TMEM271: variants seen among roughly 807,000 people sequenced by gnomAD.
TMEM271 encodes the protein transmembrane protein 271.
Position 575,818 on chromosome 4 carries a change from G to T in TMEM271, c.245C>A (p.Ser82Ter). ...CGPRDAPLAG[S>*]EPGPGLGVPA... ...GACCCCCAAACCCGGGCCCGGTTCCGACCCCGCGAGGGGCGCGTCCCGGGG... is the reference window on the plus strand; with the variant it reads ...GACCCCCAAACCCGGGCCCGGTTCCTACCCCGCGAGGGGCGCGTCCCGGGG... Residue 82 changes from serine (S) to a stop codon, truncating the protein, a stop_gained, in exon 1 of 1, where the codon TCG (serine) becomes TAG (stop). Coordinates refer to ENST00000610212, the MANE Select transcript of TMEM271 (RefSeq NM_001362796.2). LOFTEE classifies it high-confidence loss of function. 1 of 364,222 alleles carries T rather than the reference G, an allele frequency of 2.7e-6. No individual in the cohort carries two copies. The highest frequency in any genetic ancestry group is 1.3e-4 in the South Asian group (1 of 7,588). 22.6% of individuals were successfully genotyped at this position (364,222 alleles called of 1,614,324 possible). A position where few individuals can be genotyped will look rare whatever the true frequency, so the allele number is the denominator to read the frequency against.
In TMEM271 at chr4:574,881, G is replaced by A. The variant is rs1056286899; in HGVS notation, c.*24C>T. On this transcript the variant is annotated 3_prime_UTR_variant, in exon 1 of 1. Transcript: ENST00000610212. ...TGGGTGGAACGCAAGCGCGGTCCGC[G>A]GGATGGGGGTCCGGCCCGCGGGATC... The A allele has an allele frequency of 7.6e-6, 3 of 395,808 alleles. No homozygotes were observed. In the East Asian group the frequency reaches 1.1e-4, roughly 14 times the overall value. 24.5% of individuals were successfully genotyped at this position (395,808 alleles called of 1,614,324 possible).
rs1577196525 is a variant in TMEM271 at position 575,247 on chromosome 4, C to G, written c.816G>C (p.Ala272=). ...ARPRGGSGLR[A]QPPASRARRG... ...GGCGCGCCCGAGAGGCGGGCGGCTG[C>G]GCGCGGAGCCCGGAGCCGCCGCGGG... Residue 272 remains alanine, a synonymous_variant, in exon 1 of 1, where the codon GCG becomes GCC. Transcript: ENST00000610212. 3.1e-5 allele frequency: 5 copies of G among 163,804 alleles called. No homozygotes were observed. The South Asian group carries it at 8.9e-4, about 29-fold the overall frequency. The allele number at this position is 163,804 out of a possible 1,614,324, so 10.1% of individuals were successfully genotyped here.
rs1339584885 is a variant in TMEM271, at chr4:574,912, G to A, written c.1151C>T (p.Ala384Val). ...GGGGTCCGGCCCGCGGGATCAGCAG[G>A]CCCGATGGGTCTCCCAGGGCCGCGG... ...ETPRPWETHR[A>V]C The change falls in exon 1 of 1, where the codon GCC becomes GTC. Residue 384 changes from alanine (A) to valine (V), a missense_variant. Ala to Val is a moderately conservative substitution (Grantham distance 64, BLOSUM62 0). Transcript: ENST00000610212. The A allele has an allele frequency of 5.0e-6, 2 of 396,502 alleles. No homozygotes were observed. The allele number at this position is 396,502 out of a possible 1,614,324, so 24.6% of individuals were successfully genotyped here. A position where few individuals can be genotyped will look rare whatever the true frequency, so the allele number is the denominator to read the frequency against.
In TMEM271 at chr4:575,542, G is replaced by A. The variant is rs956734165; in HGVS notation, c.521C>T (p.Thr174Ile). The change falls in exon 1 of 1, where the codon ACC becomes ATC. Residue 174 changes from threonine to isoleucine, a missense_variant. Physicochemically the swap from Thr to Ile is moderately conservative, Grantham distance 89 (BLOSUM62 -1). Transcript: ENST00000610212. ...GSSPGSAPGSTPGSAPGSAPG... is the reference protein window; with the variant it reads ...GSSPGSAPGSIPGSAPGSAPG... The stretch of plus-strand genomic sequence containing the variant: ...GGCCGAGCCCGGGGCCGAGCCGGGG[G>A]TTGAGCCCGGGGCCGAGCCGGGGCT... 4.3e-4 allele frequency: 141 copies of A among 325,350 alleles called. No homozygotes were observed. In the East Asian group the frequency reaches 6.0e-3, roughly 14 times the overall value. The allele number at this position is 325,350 out of a possible 1,614,324, so 20.2% of individuals were successfully genotyped here.
Position 575,178 on chromosome 4 carries a change from C to A in TMEM271, c.885G>T (p.Pro295=). ...GRRGRRLQQR[P]SEASILSPEE... ...CCGGGGACAGGATGGAGGCCTCGCT[C>A]GGCCGCTGCTGCAGCCGCCGCCCCC... Residue 295 remains proline, a synonymous_variant, in exon 1 of 1, where the codon CCG becomes CCT. Coordinates refer to ENST00000610212, the MANE Select transcript of TMEM271 (RefSeq NM_001362796.2). The A allele has an allele frequency of 2.6e-6, 1 of 387,454 alleles. No individual in the cohort carries two copies. Among genetic ancestry groups the A allele is most frequent in the Non-Finnish European group, 4.5e-6 (1 of 219,780 alleles). 24.0% of individuals were successfully genotyped at this position (387,454 alleles called of 1,614,324 possible). A position where few individuals can be genotyped will look rare whatever the true frequency, so the allele number is the denominator to read the frequency against.
At position 576,157 on chromosome 4, in the gene TMEM271, C is replaced by T. The variant is rs1402670485; in HGVS notation, c.-95G>A. 2 of 144,776 alleles carry T rather than the reference C, an allele frequency of 1.4e-5. No individual in the cohort carries two copies. Among genetic ancestry groups the T allele is most frequent in the African/African-American group, 2.5e-5 (1 of 40,152 alleles). The allele number at this position is 144,776 out of a possible 1,614,324, so 9.0% of individuals were successfully genotyped here. The stretch of plus-strand genomic sequence containing the variant: ...CTCCTCCCGGCGCCGCGCGGCCGGA[C>T]CGCCGGCCTCCTCCTCATCCTCCCG... On this transcript the variant is annotated 5_prime_UTR_variant, in exon 1 of 1. Transcript: ENST00000610212.
rs910090897 is a variant in TMEM271, at chr4:574,673, G to A, written c.*232C>T. The A allele has an allele frequency of 5.4e-5, 21 of 385,514 alleles. No homozygotes were observed. Among genetic ancestry groups the A allele is most frequent in the Non-Finnish European group, 8.7e-5 (19 of 218,244 alleles). The allele number at this position is 385,514 out of a possible 1,614,324, so 23.9% of individuals were successfully genotyped here. The stretch of plus-strand genomic sequence containing the variant: ...GATATGAACGACACAAATAAGAAGA[G>A]AAACCTCCCAGATACAGAAATGGTC... On this transcript the variant is annotated 3_prime_UTR_variant, in exon 1 of 1. Coordinates refer to ENST00000610212, the MANE Select transcript of TMEM271 (RefSeq NM_001362796.2).
chr4:574,889 G>T lies in TMEM271; in HGVS notation c.*16C>A. 2.5e-6 allele frequency: 1 copy of T among 396,156 alleles called. No individual in the cohort carries two copies. The highest frequency in any genetic ancestry group is 4.5e-6 in the Non-Finnish European group (1 of 224,392). The allele number at this position is 396,156 out of a possible 1,614,324, so 24.5% of individuals were successfully genotyped here. A position where few individuals can be genotyped will look rare whatever the true frequency, so the allele number is the denominator to read the frequency against. ...ACGCAAGCGCGGTCCGCGGGATGGG[G>T]GTCCGGCCCGCGGGATCAGCAGGCC... On this transcript the variant is annotated 3_prime_UTR_variant, in exon 1 of 1. Coordinates refer to ENST00000610212, the MANE Select transcript of TMEM271 (RefSeq NM_001362796.2).
Position 575,392 on chromosome 4 carries a change from A to T in TMEM271, c.671T>A (p.Phe224Tyr). The T allele has an allele frequency of 3.5e-6, 1 of 281,786 alleles. No individual in the cohort carries two copies. The highest frequency in any genetic ancestry group is 2.3e-5 in the African/African-American group (1 of 44,232). 17.5% of individuals were successfully genotyped at this position (281,786 alleles called of 1,614,324 possible). A position where few individuals can be genotyped will look rare whatever the true frequency, so the allele number is the denominator to read the frequency against. Residue 224 changes from phenylalanine to tyrosine, a missense_variant, in exon 1 of 1, where the codon TTC (phenylalanine) becomes TAC (tyrosine). Coordinates refer to ENST00000610212, the MANE Select transcript of TMEM271 (RefSeq NM_001362796.2). ...GCCCAGCAGGCACTCAAGCGAGTTGAAGACGGTGGAGAGCACCAGGCCGCG... is the reference window on the plus strand; with the variant it reads ...GCCCAGCAGGCACTCAAGCGAGTTGTAGACGGTGGAGAGCACCAGGCCGCG... ...YQRGLVLSTV[F>Y]NSLECLLGLL...
rs1247968356 is a variant in TMEM271, at chr4:575,538, G to GGGGGTTGAGCCC, written c.513_524dup (p.Thr174_Ser177dup). 3.1e-6 allele frequency: 1 copy of GGGGGTTGAGCCC among 325,130 alleles called. No homozygotes were observed. The highest frequency in any genetic ancestry group is 5.6e-6 in the Non-Finnish European group (1 of 178,720). 20.1% of individuals were successfully genotyped at this position (325,130 alleles called of 1,614,324 possible). A position where few individuals can be genotyped will look rare whatever the true frequency, so the allele number is the denominator to read the frequency against. On this transcript the variant is annotated inframe_insertion, in exon 1 of 1. Coordinates refer to ENST00000610212, the MANE Select transcript of TMEM271 (RefSeq NM_001362796.2). ...CGGGGGCCGAGCCCGGGGCCGAGCCGGGGGTTGAGCCCGGGGCCGAGCCGG... is the reference window on the plus strand; with the variant it reads ...CGGGGGCCGAGCCCGGGGCCGAGCCGGGGGTTGAGCCCGGGGTTGAGCCCGGGGCCGAGCCGG...
rs536935500 is a variant in TMEM271 at position 574,732 on chromosome 4, C to T, written c.*173G>A. ...GGCCCCCTCCTGTGGTCACGGAGCC[C>T]GCAGAGGGGGCCAGGCCGGAGGCTG... On this transcript the variant is annotated 3_prime_UTR_variant, in exon 1 of 1. Transcript: ENST00000610212. 2.6e-6 allele frequency: 1 copy of T among 391,528 alleles called. No homozygotes were observed. Among genetic ancestry groups the T allele is most frequent in the East Asian group, 3.6e-5 (1 of 27,570 alleles). The allele number at this position is 391,528 out of a possible 1,614,324, so 24.3% of individuals were successfully genotyped here. A position where few individuals can be genotyped will look rare whatever the true frequency, so the allele number is the denominator to read the frequency against.
chr4:575,751 C>G lies in TMEM271; in HGVS notation c.312G>C (p.Glu104Asp). Residue 104 changes from glutamate (E) to aspartate (D), a missense_variant, in exon 1 of 1, where the codon GAG becomes GAC. By Grantham distance (45) the Glu-to-Asp change is conservative (BLOSUM62 2). Coordinates refer to ENST00000610212, the MANE Select transcript of TMEM271 (RefSeq NM_001362796.2). The part of the protein sequence containing the change: ...PAGAPEATPG[E>D]SGAAAGAPGP... The stretch of plus-strand genomic sequence containing the variant: ...CCGGGGCCCCGGCCGCGGCCCCCGA[C>G]TCGCCCGGCGTGGCCTCGGGAGCGC... 2.8e-6 allele frequency: 1 copy of G among 358,676 alleles called. No individual in the cohort carries two copies. The highest frequency in any genetic ancestry group is 5.0e-6 in the Non-Finnish European group (1 of 200,374). 22.2% of individuals were successfully genotyped at this position (358,676 alleles called of 1,614,324 possible).
In TMEM271 at chr4:575,754, G is replaced by A; in HGVS notation, c.309C>T (p.Gly103=). 5.6e-6 allele frequency: 2 copies of A among 358,174 alleles called. No homozygotes were observed. The highest frequency in any genetic ancestry group is 4.1e-5 in the East Asian group (1 of 24,596). 22.2% of individuals were successfully genotyped at this position (358,174 alleles called of 1,614,324 possible). Residue 103 remains glycine (G), a synonymous_variant, in exon 1 of 1, where the codon GGC becomes GGT. Coordinates refer to ENST00000610212, the MANE Select transcript of TMEM271 (RefSeq NM_001362796.2). ...GGGCCCCGGCCGCGGCCCCCGACTC[G>A]CCCGGCGTGGCCTCGGGAGCGCCTG... is the stretch of plus-strand genomic sequence containing the variant. The part of the protein sequence containing the change: ...APAGAPEATP[G]ESGAAAGAPG...
Position 574,478 on chromosome 4 carries a change from C to A in TMEM271, c.*427G>T, listed in dbSNP as rs1328404298. 1 of 162,850 alleles carries A rather than the reference C, an allele frequency of 6.1e-6. No individual in the cohort carries two copies. The allele number at this position is 162,850 out of a possible 1,614,324, so 10.1% of individuals were successfully genotyped here. A position where few individuals can be genotyped will look rare whatever the true frequency, so the allele number is the denominator to read the frequency against. On this transcript the variant is annotated 3_prime_UTR_variant, in exon 1 of 1. Transcript: ENST00000610212. ...TCTTTCTGAATTACCAGCTGCTCTGCGTCTCTGTCTGCTCTTCCTCCGTGG... is the reference window on the plus strand; with the variant it reads ...TCTTTCTGAATTACCAGCTGCTCTGAGTCTCTGTCTGCTCTTCCTCCGTGG...
At position 575,664 on chromosome 4, in the gene TMEM271, G is replaced by A. The variant is rs976364255; in HGVS notation, c.399C>T (p.Leu133=). The A allele has an allele frequency of 7.5e-5, 27 of 360,600 alleles. No homozygotes were observed. Among genetic ancestry groups the A allele is most frequent in the Middle Eastern group, 7.3e-4 (1 of 1,376 alleles). The allele number at this position is 360,600 out of a possible 1,614,324, so 22.3% of individuals were successfully genotyped here. A position where few individuals can be genotyped will look rare whatever the true frequency, so the allele number is the denominator to read the frequency against. Residue 133 remains leucine (L), a synonymous_variant, in exon 1 of 1, where the codon CTC becomes CTT. Coordinates refer to ENST00000610212, the MANE Select transcript of TMEM271 (RefSeq NM_001362796.2). ...LGVLVFMLGV[L]SAFAGAVIDG... is the part of the protein sequence containing the mutation. ...CGATCACGGCGCCCGCGAATGCGCT[G>A]AGGACCCCGAGCATGAAGACCAGGA...
Position 574,363 on chromosome 4 carries a change from A to G in TMEM271, c.*542T>C, listed in dbSNP as rs927686795. 1.2e-4 allele frequency: 19 copies of G among 152,352 alleles called. No homozygotes were observed. Among genetic ancestry groups the G allele is most frequent in the Admixed American group, 1.2e-3 (19 of 15,296 alleles). The allele number at this position is 152,352 out of a possible 1,614,324, so 9.4% of individuals were successfully genotyped here. A position where few individuals can be genotyped will look rare whatever the true frequency, so the allele number is the denominator to read the frequency against. ...TGCAATAAATTTACCAAACATTTTC[A>G]CTATTTATGGAGAGCTTTACAGTAA... On this transcript the variant is annotated 3_prime_UTR_variant, in exon 1 of 1. Transcript: ENST00000610212.
At position 576,250 on chromosome 4, in the gene TMEM271, G is replaced by A; in HGVS notation, c.-188C>T. ...TCCGCCTCCCGCCGCCGCCGCCGCC[G>A]CCGCCGCCGCCGCGACCCCGCGCCG... On this transcript the variant is annotated 5_prime_UTR_variant, in exon 1 of 1. Transcript: ENST00000610212. 6.6e-6 allele frequency: 1 copy of A among 151,208 alleles called. No homozygotes were observed. The highest frequency in any genetic ancestry group is 1.4e-5 in the Non-Finnish European group (1 of 71,324). 9.4% of individuals were successfully genotyped at this position (151,208 alleles called of 1,614,324 possible).
Position 576,024 on chromosome 4 carries a change from G to A in TMEM271, c.39C>T (p.Ser13=), listed in dbSNP as rs1291214013. The A allele has an allele frequency of 2.6e-5, 9 of 352,128 alleles. No homozygotes were observed. The highest frequency in any genetic ancestry group is 1.1e-4 in the African/African-American group (5 of 46,366). 21.8% of individuals were successfully genotyped at this position (352,128 alleles called of 1,614,324 possible). A position where few individuals can be genotyped will look rare whatever the true frequency, so the allele number is the denominator to read the frequency against. The change falls in exon 1 of 1, where the codon TCC becomes TCT. Residue 13 remains serine (S), a synonymous_variant. Coordinates refer to ENST00000610212, the MANE Select transcript of TMEM271 (RefSeq NM_001362796.2). ...GCGCGCAGGCGAGCAGGAGGCAGGAGGAGAGCGCGGCGCAGGCCCCGCGGA... is the reference window on the plus strand; with the variant it reads ...GCGCGCAGGCGAGCAGGAGGCAGGAAGAGAGCGCGGCGCAGGCCCCGCGGA... ...WSVRGACAAL[S]SCLLLACALS...
chr4:574,070 T>C lies in TMEM271; in HGVS notation c.*835A>G, dbSNP rs1732387725. The C allele has an allele frequency of 7.1e-6, 1 of 140,848 alleles. No individual in the cohort carries two copies. Among genetic ancestry groups the C allele is most frequent in the South Asian group, 2.2e-4 (1 of 4,540 alleles). The allele number at this position is 140,848 out of a possible 1,614,324, so 8.7% of individuals were successfully genotyped here. ...TTGCAGTCGAAACCACACAACCAGT[T>C]TCCAAAAAAAAAAAAAGAAAAGAAA... On this transcript the variant is annotated 3_prime_UTR_variant, in exon 1 of 1. Coordinates refer to ENST00000610212, the MANE Select transcript of TMEM271 (RefSeq NM_001362796.2).
Sources: gnomAD v4.1 joint callset for allele counts on GRCh38, gnomAD v4.1.1 for gene constraint, MANE v1.5 for transcripts, NCBI Gene and HGNC (gene_info 2026-07-23, HGNC 2026-07-21) for gene names.